LMNTD1: variants seen among roughly 807,000 people sequenced by gnomAD.
LMNTD1 encodes lamin tail domain containing 1, also known as lamin tail domain-containing protein 1.
A neutral mutation model predicts 50.9 loss-of-function variants in LMNTD1; 35 were observed. The observed-to-expected ratio is 0.69, with a 90% confidence interval of 0.53 to 0.91. The LOEUF (loss-of-function observed/expected upper bound fraction) is 0.91. Ranked by LOEUF, LMNTD1 falls within the 40% of genes least tolerant of loss-of-function variation. LMNTD1 has a pLI of 0.00. For synonymous variants in LMNTD1, 153 were observed against 161.9 expected, an observed-to-expected ratio of 0.94 and a Z score of 0.42; for missense variants, 470 against 475.5, an observed-to-expected ratio of 0.99 and a Z score of 0.11.
At chr12:25,547,821 A>G (rs890806367) in intron 3 of LMNTD1, among the ~76,000 whole-genome samples, 1 of 151,852 alleles carries the variant, frequency 6.6e-6, no homozygotes, top group Non-Finnish European at 1.5e-5. Context: ...TATTTTGTCT[A>G]GAACAAAAGA....
At chr12:25,640,378 G>T (rs1946930049) in intron 1 of LMNTD1, among the ~76,000 whole-genome samples, 1 of 151,826 alleles carries the variant, frequency 6.6e-6, no homozygotes, top group South Asian at 2.1e-4. Context: ...GGCATGGCAT[G>T]TCTATAGGCC....
chr12:25,476,923 TAGATAGCCG>T (rs1938285466), intron 9 of LMNTD1, among the ~76,000 whole-genome samples: 1 of 152,168 alleles, frequency 6.6e-6, no homozygotes, highest in Non-Finnish European at 1.5e-5. Context: ...ACAAATCGAA[TAGATAGCCG>T]AGGTGCAGCT....
chr12:25,575,863 A>C (rs1485627018), intron 1 of LMNTD1, among the ~76,000 whole-genome samples: 1 of 151,884 alleles, frequency 6.6e-6, no homozygotes, highest in Non-Finnish European at 1.5e-5. Flanking sequence ...GACAGGCCCC[A>C]GTGTGTGTAA....
intron 1 of LMNTD1, among the ~76,000 whole-genome samples, chr12:25,641,873 T>C (rs1246428058): frequency 1.3e-5 from 2 of 152,126 alleles, no homozygotes; most frequent in African/African-American, 4.8e-5. Context: ...GAATAATAAA[T>C]ATATCATTAT....
intron 8 of LMNTD1, among the ~76,000 whole-genome samples, chr12:25,514,819 C>T (rs1302823829): frequency 6.6e-6 from 1 of 151,978 alleles, no homozygotes; most frequent in Non-Finnish European, 1.5e-5. Context: ...ATATGCACAA[C>T]ACCACTATTA....
chr12:25,505,840 C>A (rs758059540), intron 8 of LMNTD1, among the ~76,000 whole-genome samples: 21 of 151,944 alleles, frequency 1.4e-4, no homozygotes, highest in Non-Finnish European at 2.4e-4. Context: ...CTAGTTATGT[C>A]ATTGACTAAT....
chr12:25,642,796 A>G (rs1946982412), intron 1 of LMNTD1, among the ~76,000 whole-genome samples: 3 of 152,224 alleles, frequency 2.0e-5, no homozygotes, highest in South Asian at 2.1e-4. Flanking sequence ...GAGCTACCTT[A>G]GCTGATGCTC....
At chr12:25,525,745 A>C (rs1191273494) in intron 6 of LMNTD1, among the ~76,000 whole-genome samples, 1 of 152,074 alleles carries the variant, frequency 6.6e-6, no homozygotes, top group African/African-American at 2.4e-5. Flanking sequence ...ATAACTATCC[A>C]TTCTATGAAA....
At chr12:25,582,560 G>A (rs1945336982) in intron 1 of LMNTD1, 1 of 152,148 alleles carries the variant, frequency 6.6e-6, no homozygotes, top group African/African-American at 2.4e-5. Flanking sequence ...CATGGGCTCC[G>A]AATAAATTTT....
intron 3 of LMNTD1, 131 bp downstream of exon 3, chr12:25,549,195 A>T (rs1001124705): frequency 1.8e-6 from 1 of 569,402 alleles, no homozygotes; most frequent in Non-Finnish European, 3.1e-6. Flanking sequence ...TACTTTTCAT[A>T]AGATGCTAGG....
chr12:25,600,017 T>C (rs529076538), intron 1 of LMNTD1, among the ~76,000 whole-genome samples: 1 of 152,008 alleles, frequency 6.6e-6, no homozygotes, highest in African/African-American at 2.4e-5. Context: ...AGAACAAAAC[T>C]GGAGGAATCA....
At chr12:25,612,741 G>C (rs558073840) in intron 1 of LMNTD1, among the ~76,000 whole-genome samples, 1 of 152,196 alleles carries the variant, frequency 6.6e-6, no homozygotes, top group South Asian at 2.1e-4. Flanking sequence ...CCCGTGTATA[G>C]AGTTTAAAGG....
At position 25,503,810 on chromosome 12, in the gene LMNTD1, A is replaced by T. The variant is rs753062871; in HGVS notation, c.1190-10T>A. ...TTCTTTTTCTTAGACCCTGAAAATT[A>T]AAAAAAATAATTAAAAAAAGGAGAG... is the stretch of plus-strand genomic sequence containing the variant. On this transcript the variant is annotated splice_polypyrimidine_tract_variant and intron_variant, in intron 8 of 9. Transcript: ENST00000458174. 18 of 1,474,202 alleles carry T rather than the reference A, an allele frequency of 1.2e-5. No homozygotes were observed. The East Asian group carries it at 3.7e-4, about 30-fold the overall frequency. The allele number at this position is 1,474,202 out of a possible 1,614,324, so 91.3% of individuals were successfully genotyped here.
At chr12:25,493,702 G>A (rs1178654174) in intron 9 of LMNTD1, among the ~76,000 whole-genome samples, 1 of 152,100 alleles carries the variant, frequency 6.6e-6, no homozygotes. Flanking sequence ...GTAATTGGTT[G>A]GCAATTTACA....
intron 1 of LMNTD1, among the ~76,000 whole-genome samples, chr12:25,587,597 T>C (rs1945573952): frequency 6.6e-6 from 1 of 152,226 alleles, no homozygotes; most frequent in Admixed American, 6.5e-5. Context: ...AAACCATTCA[T>C]GAGAAATCTG....
chr12:25,480,562 A>T (rs1938412774), intron 9 of LMNTD1, among the ~76,000 whole-genome samples: 1 of 152,196 alleles, frequency 6.6e-6, no homozygotes, highest in African/African-American at 2.4e-5. Context: ...TGGCCAATGC[A>T]GATCATCTTA....
At chr12:25,571,364 TTTATTTATTTA>T (rs1944786531) in intron 1 of LMNTD1, among the ~76,000 whole-genome samples, 2 of 151,596 alleles carry the variant, frequency 1.3e-5, no homozygotes, top group Non-Finnish European at 2.9e-5. Context: ...TATTTATTTA[TTTATTTATTTA>T]TTTTTTGAGA....
chr12:25,599,572 C>T (rs1462838431), intron 1 of LMNTD1, among the ~76,000 whole-genome samples: 1 of 151,922 alleles, frequency 6.6e-6, no homozygotes, highest in African/African-American at 2.4e-5. Context: ...TACCAAAAAA[C>T]TATTAGAACT....
intron 1 of LMNTD1, among the ~76,000 whole-genome samples, chr12:25,620,720 G>T (rs895625513): frequency 5.3e-5 from 8 of 152,292 alleles, no homozygotes; most frequent in East Asian, 1.9e-4. Context: ...TTCAGGCACT[G>T]GGTCCCCGCT....
Sources: allele counts gnomAD v4.1 joint callset (sites outside exome capture counted in the v4.1 genomes callset), GRCh38; gene constraint gnomAD v4.1.1; transcripts MANE v1.5; gene names NCBI Gene and HGNC (gene_info 2026-07-23, HGNC 2026-07-21).